The following PDE3B variants were observed in gnomAD, a reference collection of about 807,000 sequenced individuals.
PDE3B encodes the protein cGMP-inhibited 3',5'-cyclic phosphodiesterase 3B.
PDE3B carries 66 observed loss-of-function variants against 116.8 expected under a neutral mutation model. The ratio of observed to expected loss-of-function variants is 0.56; its 90% CI spans 0.46 to 0.69. PDE3B has a LOEUF of 0.69. Among genes scored for constraint, PDE3B ranks in the 30% least tolerant of loss-of-function variants. The pLI is 0.00. For synonymous variants in PDE3B, 595 were observed against 533.6 expected (o/e 1.12, Z -1.59); for missense variants, 1,384 against 1,368.1 (o/e 1.01, Z -0.18).
intron 5 of PDE3B, 56 bp from the exon 6 acceptor site, chr11:14,818,127 C>T (rs985176254): frequency 5.7e-5 from 63 of 1,096,660 alleles, no homozygotes; most frequent in Non-Finnish European, 8.1e-5. Flanking sequence ...ATTTAATAAA[C>T]ATACACACAT....
At chr11:14,879,354 C>A in the PDE3B span, 1 of 1,612,122 alleles carries the variant, frequency 6.2e-7, no homozygotes, top group Non-Finnish European at 8.5e-7. Context: ...TCATGCAAAA[C>A]TGCCTCAGTA....
intron 7 of PDE3B, among the ~76,000 whole-genome samples, chr11:14,828,076 T>TC (rs1367953316): frequency 6.6e-6 from 1 of 152,124 alleles, no homozygotes; most frequent in East Asian, 1.9e-4. Flanking sequence ...GGGAAAGGAC[T>TC]CCCTATTCAA....
chr11:14,898,595 A>C, the PDE3B span, among the ~76,000 whole-genome samples: 1 of 152,148 alleles, frequency 6.6e-6, no homozygotes, highest in Non-Finnish European at 1.5e-5. Flanking sequence ...TTACATACGG[A>C]TGTGGAAGTT....
intron 1 of PDE3B, among the ~76,000 whole-genome samples, chr11:14,728,683 A>G (rs1039027675): frequency 6.6e-6 from 1 of 152,056 alleles, no homozygotes; most frequent in Non-Finnish European, 1.5e-5. Flanking sequence ...CACTTGTTTT[A>G]TGGAGTTGTT....
At chr11:14,663,590 G>T (rs1022046314) in intron 1 of PDE3B, among the ~76,000 whole-genome samples, 1 of 151,856 alleles carries the variant, frequency 6.6e-6, no homozygotes, top group Admixed American at 6.5e-5. Flanking sequence ...CCAAGCCAAT[G>T]GAAAACAAAA....
intron 5 of PDE3B, among the ~76,000 whole-genome samples, chr11:14,804,674 T>C (rs1858866612): frequency 6.6e-6 from 1 of 152,030 alleles, no homozygotes; most frequent in Non-Finnish European, 1.5e-5. Context: ...GATCAGAAAA[T>C]ATTATTGATA....
chr11:14,774,843 A>G (rs1458336726), intron 2 of PDE3B: 1 of 151,546 alleles, frequency 6.6e-6, no homozygotes, highest in African/African-American at 2.4e-5. Context: ...TCCCTCCCTT[A>G]CTCTCTTGTA....
intron 2 of PDE3B, among the ~76,000 whole-genome samples, chr11:14,780,710 G>A (rs949002966): frequency 6.6e-6 from 1 of 152,142 alleles, no homozygotes; most frequent in Admixed American, 6.6e-5. Flanking sequence ...ACAAGAGAAA[G>A]CAGGAAAGAT....
intron 12 of PDE3B, among the ~76,000 whole-genome samples, chr11:14,851,578 C>A (rs1253405979): frequency 6.6e-6 from 1 of 151,508 alleles, no homozygotes; most frequent in Non-Finnish European, 1.5e-5. Context: ...TCCAATGAGA[C>A]TTTATTAATA....
At chr11:14,730,487 G>T (rs1171926727) in intron 1 of PDE3B, among the ~76,000 whole-genome samples, 1 of 152,026 alleles carries the variant, frequency 6.6e-6, no homozygotes, top group Non-Finnish European at 1.5e-5. Context: ...TAACATTATT[G>T]TTGCATAAGA....
chr11:14,729,109 G>A (rs1296210045), intron 1 of PDE3B, among the ~76,000 whole-genome samples: 1 of 152,066 alleles, frequency 6.6e-6, no homozygotes, highest in African/African-American at 2.4e-5. Flanking sequence ...TCAGTAAATT[G>A]GGCAAGATCA....
At chr11:14,845,597 T>A (rs1679930392) in intron 12 of PDE3B, among the ~76,000 whole-genome samples, 1 of 151,844 alleles carries the variant, frequency 6.6e-6, no homozygotes, top group South Asian at 2.1e-4. Flanking sequence ...TTGAAAAAAA[T>A]TTAGAAGAAT....
chr11:14,716,240 T>A (rs1156312265), intron 1 of PDE3B, among the ~76,000 whole-genome samples: 1 of 152,190 alleles, frequency 6.6e-6, no homozygotes, highest in Non-Finnish European at 1.5e-5. Context: ...ACCACGAGAC[T>A]ATATCCCACA....
chr11:14,686,155 G>A (rs1854866802), intron 1 of PDE3B, among the ~76,000 whole-genome samples: 1 of 152,106 alleles, frequency 6.6e-6, no homozygotes, highest in African/African-American at 2.4e-5. Flanking sequence ...ATGGAATTCT[G>A]CCTGGGTTTT....
At chr11:14,698,149 A>G (rs1244283331) in intron 1 of PDE3B, among the ~76,000 whole-genome samples, 4 of 151,820 alleles carry the variant, frequency 2.6e-5, no homozygotes, top group African/African-American at 9.7e-5. Context: ...ATGTGTGTGT[A>G]TATTATTATT....
rs778994833 is a variant in PDE3B at position 14,644,187 on chromosome 11, C to A, written c.112C>A (p.Pro38Thr). Reference protein sequence around the residue: ...RNGYVKSCVSPLRQDPPRGFF... With the variant: ...RNGYVKSCVSTLRQDPPRGFF... ...CGGCTACGTGAAGAGCTGCGTGAGC[C>A]CCTTGCGGCAGGACCCTCCGCGCGG... The change falls in exon 1 of 16, where the codon CCC becomes ACC. Residue 38 changes from proline to threonine, a missense_variant. This residue lies in a region of PDE3B where 956 missense variants were observed against 806.8 expected (regional missense o/e 1.18). Transcript: ENST00000282096. The A allele has an allele frequency of 4.4e-6, 7 of 1,597,584 alleles. No homozygotes were observed. The African/African-American group carries it at 6.7e-5, about 15-fold the overall frequency.
chr11:14,737,985 A>C (rs1348910077), intron 1 of PDE3B, among the ~76,000 whole-genome samples: 1 of 152,150 alleles, frequency 6.6e-6, no homozygotes, highest in Non-Finnish European at 1.5e-5. Context: ...TCCATGGTGT[A>C]TATGTGCCAC....
At chr11:14,713,042 A>T (rs1855755998) in intron 1 of PDE3B, among the ~76,000 whole-genome samples, 1 of 152,230 alleles carries the variant, frequency 6.6e-6, no homozygotes, top group South Asian at 2.1e-4. Context: ...CATTCATTTT[A>T]AAAAATTTGA....
intron 1 of PDE3B, among the ~76,000 whole-genome samples, chr11:14,654,755 T>C (rs1853659974): frequency 6.6e-6 from 1 of 151,340 alleles, no homozygotes; most frequent in Non-Finnish European, 1.5e-5. Flanking sequence ...AGTTTGACTT[T>C]AAATCTTGTT....
Sources: allele counts gnomAD v4.1 joint callset (sites outside exome capture counted in the v4.1 genomes callset), GRCh38; gene constraint gnomAD v4.1.1; regional missense constraint gnomAD v4.1.1; transcripts MANE v1.5; gene names NCBI Gene and HGNC (gene_info 2026-07-23, HGNC 2026-07-21).